The following IGSF21 variants were observed in gnomAD, a reference collection of about 807,000 sequenced individuals.
IGSF21 encodes immunoglobin superfamily member 21, also known as immunoglobulin superfamily member 21.
IGSF21 carries 28 observed loss-of-function variants against 46.8 expected under a neutral mutation model. The ratio of observed to expected loss-of-function variants is 0.60; its 90% CI spans 0.44 to 0.82. The LOEUF is 0.82. Among genes scored for constraint, IGSF21 ranks in the 40% least tolerant of loss-of-function variants. IGSF21 has a pLI of 0.00. For synonymous variants in IGSF21, 284 were observed against 273.6 expected, an observed-to-expected ratio of 1.04 and a Z score of -0.38; for missense variants, 624 against 665.5, an observed-to-expected ratio of 0.94 and a Z score of 0.69.
chr1:18,288,934 T>C (rs1286224828), intron 2 of IGSF21, among the ~76,000 whole-genome samples: 1 of 152,166 alleles, frequency 6.6e-6, no homozygotes, highest in Non-Finnish European at 1.5e-5. Flanking sequence ...CAGATGTAAA[T>C]AAAACCAAAG....
intron 1 of IGSF21, among the ~76,000 whole-genome samples, chr1:18,171,911 C>T (rs1354316237): frequency 6.6e-6 from 1 of 152,188 alleles, no homozygotes; most frequent in African/African-American, 2.4e-5. Flanking sequence ...CCATGGGCAG[C>T]TGATACAGTT....
At chr1:18,128,594 C>T (rs2086292700) in intron 1 of IGSF21, among the ~76,000 whole-genome samples, 2 of 152,164 alleles carry the variant, frequency 1.3e-5, no homozygotes, top group South Asian at 4.2e-4. Context: ...AAGAGCATTC[C>T]AGGCCCCAGG....
intron 2 of IGSF21, among the ~76,000 whole-genome samples, chr1:18,265,149 G>A (rs1291211561): frequency 6.6e-6 from 1 of 152,210 alleles, no homozygotes; most frequent in African/African-American, 2.4e-5. Flanking sequence ...TGACTTGGTG[G>A]CAAAACCCAG....
At chr1:18,255,544 C>T (rs1200399396) in intron 2 of IGSF21, among the ~76,000 whole-genome samples, 1 of 152,058 alleles carries the variant, frequency 6.6e-6, no homozygotes, top group Non-Finnish European at 1.5e-5. Flanking sequence ...CTTTCTTCCA[C>T]ACTCCTCACT....
At chr1:18,116,425 T>A (rs2086190786) in intron 1 of IGSF21, among the ~76,000 whole-genome samples, 1 of 152,210 alleles carries the variant, frequency 6.6e-6, no homozygotes, top group Non-Finnish European at 1.5e-5. Context: ...GCTGTCTGAG[T>A]CATAGTTTCC....
chr1:18,207,227 C>T (rs1252203268), intron 1 of IGSF21, among the ~76,000 whole-genome samples: 1 of 152,152 alleles, frequency 6.6e-6, no homozygotes, highest in African/African-American at 2.4e-5. Context: ...TCTCTTTGGC[C>T]TCCTCTCCCA....
intron 6 of IGSF21, among the ~76,000 whole-genome samples, chr1:18,373,954 C>G (rs558611424): frequency 6.6e-6 from 1 of 152,168 alleles, no homozygotes; most frequent in African/African-American, 2.4e-5. Context: ...GGCCCAGGCC[C>G]GGGCCTGAAG....
chr1:18,230,052 C>T (rs751103100), intron 2 of IGSF21, among the ~76,000 whole-genome samples: 57 of 152,336 alleles, frequency 3.7e-4, no homozygotes, highest in Non-Finnish European at 6.6e-4. Context: ...ACTGTCCTCC[C>T]TCCGGTTTGA....
chr1:18,255,332 G>A (rs2084881029), intron 2 of IGSF21, among the ~76,000 whole-genome samples: 3 of 152,182 alleles, frequency 2.0e-5, no homozygotes, highest in Non-Finnish European at 1.5e-5. Context: ...CATCCAAGCA[G>A]GATGGTTTTT....
At chr1:18,215,572 G>A (rs2084436012) in intron 1 of IGSF21, among the ~76,000 whole-genome samples, 1 of 152,186 alleles carries the variant, frequency 6.6e-6, no homozygotes, top group Non-Finnish European at 1.5e-5. Context: ...GAAGTGATGG[G>A]GGCAAAGTGA....
intron 1 of IGSF21, among the ~76,000 whole-genome samples, chr1:18,141,524 G>A (rs1020931100): frequency 6.6e-6 from 1 of 152,132 alleles, no homozygotes; most frequent in South Asian, 2.1e-4. Flanking sequence ...CTGACACACA[G>A]AGGACAGGGA....
chr1:18,291,760 G>C, intron 2 of IGSF21, 106 bp from the exon 3 acceptor site: 1 of 1,365,364 alleles, frequency 7.3e-7, no homozygotes, highest in Non-Finnish European at 1.0e-6. Context: ...GATGGGGGCT[G>C]TCCTTCTTCT....
rs1557659626 is a variant in IGSF21, at chr1:18,359,383, A to AAAGAAAGGAAGG, written c.425-2729_425-2728insAAAGGAAGGAAG. On this transcript the variant is annotated intron_variant, in intron 4 of 9. Coordinates refer to ENST00000251296, the MANE Select transcript of IGSF21 (RefSeq NM_032880.5). ...GAAAGAAAGAAAGAAAGAAAGAAAGAAAGGAAGGAAGGAAGGAAGGAAGGA... is the reference window on the plus strand; with the variant it reads ...GAAAGAAAGAAAGAAAGAAAGAAAGAAAGAAAGGAAGGAAGGAAGGAAGGAAGGAAGGAAGGA... Among the ~76,000 whole-genome samples, 64 of 61,066 alleles carry AAAGAAAGGAAGG rather than the reference A, an allele frequency of 1.0e-3. 1 individual carries two copies. The highest frequency in any genetic ancestry group is 1.9e-3 in the East Asian group (4 of 2,138). 40.1% of individuals were successfully genotyped at this position (61,066 alleles called of 152,430 possible). A position where few individuals can be genotyped will look rare whatever the true frequency, so the allele number is the denominator to read the frequency against.
intron 3 of IGSF21, among the ~76,000 whole-genome samples, chr1:18,298,845 C>T (rs528022204): frequency 6.6e-6 from 1 of 152,320 alleles, no homozygotes; most frequent in East Asian, 1.9e-4. Context: ...CCCTTCACGC[C>T]CGTTGGCCTA....
chr1:18,220,204 G>A (rs772387402), intron 1 of IGSF21, among the ~76,000 whole-genome samples: 57 of 152,150 alleles, frequency 3.7e-4, no homozygotes, highest in Admixed American at 1.3e-3. Flanking sequence ...CATGGTTAAC[G>A]TCTCATATCC....
At chr1:18,156,417 G>T (rs967669465) in intron 1 of IGSF21, among the ~76,000 whole-genome samples, 1 of 152,202 alleles carries the variant, frequency 6.6e-6, no homozygotes, top group Non-Finnish European at 1.5e-5. Context: ...AATCAGAGAG[G>T]CTTAAGGAAG....
chr1:18,216,089 T>C (rs2084442552), intron 1 of IGSF21, among the ~76,000 whole-genome samples: 1 of 152,182 alleles, frequency 6.6e-6, no homozygotes, highest in African/African-American at 2.4e-5. Context: ...CTGAGATGTT[T>C]ACAAAGGTCT....
intron 1 of IGSF21, among the ~76,000 whole-genome samples, chr1:18,219,841 T>G (rs1410915123): frequency 6.6e-6 from 1 of 152,150 alleles, no homozygotes; most frequent in African/African-American, 2.4e-5. Flanking sequence ...GTGTGAAGTT[T>G]CCTGGCTAAT....
intron 2 of IGSF21, among the ~76,000 whole-genome samples, chr1:18,261,734 C>T (rs1402106697): frequency 6.6e-6 from 1 of 152,210 alleles, no homozygotes; most frequent in African/African-American, 2.4e-5. Context: ...CAGAATGTCT[C>T]CCTGCCTTAA....
Sources: gnomAD v4.1 joint callset for allele counts (sites outside exome capture counted in the v4.1 genomes callset) on GRCh38, gnomAD v4.1.1 for gene constraint, MANE v1.5 for transcripts, NCBI Gene and HGNC (gene_info 2026-07-23, HGNC 2026-07-21) for gene names.